PPP1R18: variants seen among roughly 807,000 people sequenced by gnomAD.
PPP1R18 encodes phostensin.
A neutral mutation model predicts 54.8 loss-of-function variants in PPP1R18; 31 were observed. That is an observed-to-expected ratio of 0.57 (90% CI 0.43 to 0.76). The LOEUF (loss-of-function observed/expected upper bound fraction) is 0.76, where lower values mean the gene tolerates loss of function less well. Ranked by LOEUF, PPP1R18 falls within the 30% of genes least tolerant of loss-of-function variation. PPP1R18 has a pLI of 0.00. For synonymous variants in PPP1R18, 310 were observed against 320.2 expected (o/e 0.97, Z 0.34); for missense variants, 685 against 776.1 (o/e 0.88, Z 1.39).
chr6:30,685,723 T>C lies in PPP1R18; in HGVS notation c.296A>G (p.Gln99Arg), dbSNP rs1205495151. ...CTCTTCACTCCGTTGTTGTTGCTGC[T>C]GCTGCTGCTGCCGCTCCTGCCGGAT... ...RFIRQERQQQ[Q>R]QQQQRSEELL... Residue 99 changes from glutamine to arginine, a missense_variant, in exon 1 of 3, where the codon CAG (glutamine) becomes CGG (arginine). Coordinates refer to ENST00000274853, the MANE Select transcript of PPP1R18 (RefSeq NM_133471.4). The surrounding 1 kb of genome is among the most constrained non-coding windows in gnomAD (Gnocchi z 5.0). The C allele has an allele frequency of 6.2e-7, 1 of 1,612,652 alleles. No homozygotes were observed. The highest frequency in any genetic ancestry group is 8.5e-7 in the Non-Finnish European group (1 of 1,179,862).
At chr6:30,680,066 CAG>C (rs1229277648) in intron 1 of PPP1R18, among the ~76,000 whole-genome samples, 1 of 152,056 alleles carries the variant, frequency 6.6e-6, no homozygotes, top group Non-Finnish European at 1.5e-5. Flanking sequence ...CAGCAACACA[CAG>C]GGGAAAGATG....
At chr6:30,687,686 G>C (rs1374725387), upstream of PPP1R18, 1 of 152,608 alleles carries the variant, frequency 6.6e-6, no homozygotes, top group Admixed American at 6.5e-5. This position sits in a 1 kb window ranked among gnomAD's most constrained non-coding sequence, Gnocchi z 7.9. Context: ...TTGCGGGGTC[G>C]AGGGCAGCCG....
rs749869252 is a variant in PPP1R18, at chr6:30,685,895, C to G, written c.124G>C (p.Gly42Arg). 2 of 1,610,772 alleles carry G rather than the reference C, an allele frequency of 1.2e-6. No homozygotes were observed. The highest frequency in any genetic ancestry group is 4.5e-5 in the East Asian group (2 of 44,890). ...RLSQMPAWKR[G>R]LLERRRAKLG... ...TTGGCCCGGCGGCGCTCCAGGAGCC[C>G]TCGTTTCCAGGCTGGCATCTGGGAC... The change falls in exon 1 of 3, where the codon GGG becomes CGG. Residue 42 changes from glycine (G) to arginine (R), a missense_variant. Gly to Arg is a moderately radical substitution (Grantham distance 125). Coordinates refer to ENST00000274853, the MANE Select transcript of PPP1R18 (RefSeq NM_133471.4). This position sits in a 1 kb window ranked among gnomAD's most constrained non-coding sequence, Gnocchi z 5.0.
chr6:30,678,356 C>T (rs189408321), intron 2 of PPP1R18, among the ~76,000 whole-genome samples: 4 of 151,816 alleles, frequency 2.6e-5, no homozygotes, highest in East Asian at 3.9e-4. Context: ...ACCACAGCTG[C>T]GCACTGCCAC....
intron 1 of PPP1R18, among the ~76,000 whole-genome samples, 174 bp from the exon 2 acceptor site, chr6:30,679,563 A>G (rs1310104917): frequency 1.3e-5 from 2 of 151,572 alleles, no homozygotes; most frequent in African/African-American, 4.9e-5. Context: ...CTCCCCATCC[A>G]CTCTGGGATC....
chr6:30,682,349 T>A (rs1770594421), intron 1 of PPP1R18, among the ~76,000 whole-genome samples: 1 of 152,096 alleles, frequency 6.6e-6, no homozygotes, highest in South Asian at 2.1e-4. Context: ...GCCACAGCCA[T>A]CCCCTGGGCT....
rs748445662 is a variant in PPP1R18 at position 30,677,092 on chromosome 6, G to A, written c.*177C>T. ...CCCACACCAGGGACTTTGGATTAGG[G>A]TAGAAATTGGGCAATTGGCTCTGCC... On this transcript the variant is annotated 3_prime_UTR_variant, in exon 3 of 3. Transcript: ENST00000274853. The A allele has an allele frequency of 1.4e-6, 1 of 724,024 alleles. No homozygotes were observed. The highest frequency in any genetic ancestry group is 1.5e-5 in the South Asian group (1 of 67,746). The allele number at this position is 724,024 out of a possible 1,614,324, so 44.8% of individuals were successfully genotyped here.
Position 30,685,966 on chromosome 6 carries a change from T to A in PPP1R18, c.53A>T (p.Glu18Val). 1 of 1,599,196 alleles carries A rather than the reference T, an allele frequency of 6.3e-7. No individual in the cohort carries two copies. Among genetic ancestry groups the A allele is most frequent in the Non-Finnish European group, 8.5e-7 (1 of 1,177,276 alleles). ...CTCTCGGCCTCGAACGGACGCCTCC[T>A]CCTGCCGGCGCCGGGCTAGCAGCTG... ...KLQLLARRRQ[E>V]EASVRGREKA... The change falls in exon 1 of 3, where the codon GAG becomes GTG. Residue 18 changes from glutamate (E) to valine (V), a missense_variant. Transcript: ENST00000274853. This position sits in a 1 kb window ranked among gnomAD's most constrained non-coding sequence, Gnocchi z 5.0.
rs1357229113 is a variant in PPP1R18 at position 30,683,974 on chromosome 6, G to T, written c.1611+434C>A. Among the ~76,000 whole-genome samples, 1 of 151,750 alleles carries T rather than the reference G, an allele frequency of 6.6e-6. No individual in the cohort carries two copies. ...CACCCCACCCCCTCCACCACCCCAG[G>T]CTCCCTATCCCTTCTCCCCAGAAAA... is the stretch of plus-strand genomic sequence containing the variant. On this transcript the variant is annotated intron_variant, in intron 1 of 2. Coordinates refer to ENST00000274853, the MANE Select transcript of PPP1R18 (RefSeq NM_133471.4). The surrounding 1 kb of genome is among the most constrained non-coding windows in gnomAD (Gnocchi z 5.1).
chr6:30,679,064 G>C (rs981535880), intron 2 of PPP1R18, 115 bp downstream of exon 2: 1 of 747,258 alleles, frequency 1.3e-6, no homozygotes, highest in Non-Finnish European at 2.1e-6. Context: ...TTGAACCAGA[G>C]GACCCGCCAA....
At chr6:30,682,062 T>C (rs911492564) in intron 1 of PPP1R18, among the ~76,000 whole-genome samples, 4 of 152,238 alleles carry the variant, frequency 2.6e-5, no homozygotes, top group Non-Finnish European at 2.9e-5. Context: ...TTTCTTCTCA[T>C]ATCCTCTTTT....
In PPP1R18 at chr6:30,680,599, C is replaced by T. The variant is rs999001456; in HGVS notation, c.1612-1210G>A. ...GCCCCAGCACTTTGGGAGGTTGAGG[C>T]GGGAGGATTTCTTGAGCCCAGGAGT... On this transcript the variant is annotated intron_variant, in intron 1 of 2. Coordinates refer to ENST00000274853, the MANE Select transcript of PPP1R18 (RefSeq NM_133471.4). Among the ~76,000 whole-genome samples the T allele has an allele frequency of 8.6e-5, 13 of 151,828 alleles. No homozygotes were observed. The South Asian group carries it at 1.7e-3, about 19-fold the overall frequency.
chr6:30,685,881 G>A lies in PPP1R18; in HGVS notation c.138C>T (p.Arg46=). The A allele has an allele frequency of 6.2e-7, 1 of 1,611,446 alleles. No homozygotes were observed. The highest frequency in any genetic ancestry group is 8.5e-7 in the Non-Finnish European group (1 of 1,180,030). Residue 46 remains arginine, a synonymous_variant, in exon 1 of 3, where the codon CGC becomes CGT. Transcript: ENST00000274853. This position sits in a 1 kb window ranked among gnomAD's most constrained non-coding sequence, Gnocchi z 5.0. ...MPAWKRGLLE[R]RRAKLGLSPG... is the part of the protein sequence containing the mutation. ...GGGACAGCCCAAGCTTGGCCCGGCG[G>A]CGCTCCAGGAGCCCTCGTTTCCAGG...
chr6:30,685,699 T>A lies in PPP1R18; in HGVS notation c.320A>T (p.Glu107Val). Residue 107 changes from glutamate (E) to valine (V), a missense_variant, in exon 1 of 3, where the codon GAG becomes GTG. Physicochemically the swap from Glu to Val is moderately radical, Grantham distance 121. Coordinates refer to ENST00000274853, the MANE Select transcript of PPP1R18 (RefSeq NM_133471.4). The surrounding 1 kb of genome is among the most constrained non-coding windows in gnomAD (Gnocchi z 5.0). The stretch of plus-strand genomic sequence containing the variant: ...CCCAGGCTTTCTCTCTGCTAGCAGC[T>A]CTTCACTCCGTTGTTGTTGCTGCTG... ...QQQQQQQRSE[E>V]LLAERKPGPL... The A allele has an allele frequency of 6.2e-7, 1 of 1,613,114 alleles. No homozygotes were observed. Among genetic ancestry groups the A allele is most frequent in the Non-Finnish European group, 8.5e-7 (1 of 1,180,042 alleles).
intron 1 of PPP1R18, among the ~76,000 whole-genome samples, chr6:30,680,739 A>T (rs560713971): frequency 5.3e-5 from 8 of 152,030 alleles, no homozygotes; most frequent in Admixed American, 5.2e-4. Context: ...TGTATATGTT[A>T]CTCCTTGTTG....
chr6:30,676,973 C>T lies in PPP1R18; in HGVS notation c.*296G>A. The T allele has an allele frequency of 1.8e-6, 1 of 559,798 alleles. No homozygotes were observed. Among genetic ancestry groups the T allele is most frequent in the African/African-American group, 1.9e-5 (1 of 51,544 alleles). The allele number at this position is 559,798 out of a possible 1,614,324, so 34.7% of individuals were successfully genotyped here. ...TGTACCCTGCCATGGGGGGCAGGTG[C>T]TCCATCTCCACCCTCCAGGGAGTTC... On this transcript the variant is annotated 3_prime_UTR_variant, in exon 3 of 3. Transcript: ENST00000274853.
intron 2 of PPP1R18, among the ~76,000 whole-genome samples, chr6:30,678,402 G>A (rs929255470): frequency 2.0e-5 from 3 of 148,360 alleles, no homozygotes; most frequent in African/African-American, 5.0e-5. Flanking sequence ...TTGAGACGGA[G>A]TCTCACTCTG....
At position 30,677,248 on chromosome 6, in the gene PPP1R18, T is replaced by C. The variant is rs928179724; in HGVS notation, c.*21A>G. 6.3e-7 allele frequency: 1 copy of C among 1,599,006 alleles called. No individual in the cohort carries two copies. The highest frequency in any genetic ancestry group is 1.3e-5 in the African/African-American group (1 of 74,298). On this transcript the variant is annotated 3_prime_UTR_variant, in exon 3 of 3. Transcript: ENST00000274853. ...TTCAGTTATAAGAAGGAGGGAGGTA[T>C]ATCCCTATGTTGGAAGATGGTCACC...
chr6:30,678,909 G>A (rs948496667), intron 2 of PPP1R18, among the ~76,000 whole-genome samples: 2 of 152,142 alleles, frequency 1.3e-5, no homozygotes, highest in African/African-American at 4.8e-5. Context: ...GAGACAAGCT[G>A]GAATTCCAAC....
Sources: gnomAD v4.1 joint callset for allele counts (sites outside exome capture counted in the v4.1 genomes callset) on GRCh38, gnomAD v4.1.1 for gene constraint, Gnocchi (gnomAD v3.1) non-coding constraint, MANE v1.5 for transcripts, NCBI Gene and HGNC (gene_info 2026-07-23, HGNC 2026-07-21) for gene names.